Variants in CHRNB1 observed in about 807,000 individuals in gnomAD.
The protein encoded by CHRNB1 is cholinergic receptor nicotinic beta 1 subunit.
A neutral mutation model predicts 53.8 loss-of-function variants in CHRNB1; 47 were observed. That is an observed-to-expected ratio of 0.87 (90% CI 0.69 to 1.11). CHRNB1 has a LOEUF of 1.11. Among genes scored for constraint, CHRNB1 ranks in the 50% most tolerant of loss-of-function variants. The pLI is 0.00. For missense variants in CHRNB1, 605 were observed against 654.9 expected (o/e 0.92, Z 0.83); for synonymous variants, 259 against 263.5 (o/e 0.98, Z 0.16).
intron 10 of CHRNB1, among the ~76,000 whole-genome samples, 200 bp downstream of exon 10, chr17:7,456,141 G>A (rs867709288): frequency 3.8e-5 from 5 of 132,346 alleles, no homozygotes; most frequent in Non-Finnish European, 6.1e-5. Context: ...TGCAACCTCC[G>A]CCTACGGGTT....
intron 5 of CHRNB1, 127 bp downstream of exon 5, chr17:7,447,278 C>T (rs1323729178): frequency 9.5e-5 from 89 of 935,042 alleles, no homozygotes; most frequent in Non-Finnish European, 3.4e-5. Context: ...TGACCCTCAC[C>T]TCGTCTACCC....
chr17:7,447,080 G>A lies in CHRNB1; in HGVS notation c.391G>A (p.Val131Ile), dbSNP rs578069408. ...TTTTGACGTGGCTCTGGACATTAGC[G>A]TCGTGGTGTCCTCCGACGGCTCCGT... The part of the protein sequence containing the change: ...GNFDVALDIS[V>I]VVSSDGSVRW... The change falls in exon 5 of 11, where the codon GTC becomes ATC. Residue 131 changes from valine (V) to isoleucine (I), a missense_variant. Physicochemically the swap from Val to Ile is conservative, Grantham distance 29. Coordinates refer to ENST00000306071, the MANE Select transcript of CHRNB1 (RefSeq NM_000747.3). 4 of 1,614,176 alleles carry A rather than the reference G, an allele frequency of 2.5e-6. No homozygotes were observed. The highest frequency in any genetic ancestry group is 3.4e-6 in the Non-Finnish European group (4 of 1,180,004).
At chr17:7,453,490 T>G (rs1908959038) in intron 7 of CHRNB1, among the ~76,000 whole-genome samples, 1 of 151,786 alleles carries the variant, frequency 6.6e-6, no homozygotes, top group African/African-American at 2.4e-5. Context: ...AGTAGGCAGA[T>G]GGATATATAT....
intron 3 of CHRNB1, 125 bp from the exon 4 acceptor site, chr17:7,446,708 C>A: frequency 1.4e-6 from 1 of 733,774 alleles, no homozygotes; most frequent in East Asian, 2.7e-5. Context: ...ACCACGGCCC[C>A]TTGACCCACA....
chr17:7,446,770 T>G, intron 3 of CHRNB1, 63 bp from the exon 4 acceptor site: 2 of 1,351,828 alleles, frequency 1.5e-6, no homozygotes, highest in Non-Finnish European at 2.1e-6. Context: ...GGGCTTCCTT[T>G]GGAAATCCCA....
chr17:7,451,931 C>T (rs1908902787), intron 7 of CHRNB1, among the ~76,000 whole-genome samples: 1 of 152,178 alleles, frequency 6.6e-6, no homozygotes, highest in Non-Finnish European at 1.5e-5. Context: ...ACCAGGCTGT[C>T]CTAGAGGGCC....
chr17:7,450,024 A>T (rs1908825262), intron 7 of CHRNB1, among the ~76,000 whole-genome samples: 1 of 148,314 alleles, frequency 6.7e-6, no homozygotes, highest in South Asian at 2.2e-4. Flanking sequence ...AGCCTGGGAG[A>T]CAGACTCTGT....
In CHRNB1 at chr17:7,456,756, A is replaced by T. The variant is rs759202748; in HGVS notation, c.*33A>T. On this transcript the variant is annotated 3_prime_UTR_variant, in exon 11 of 11. Transcript: ENST00000306071. ...AGGGTTGAGACCCAGGCCCCCTGCC[A>T]GTTGAAGTGAGAGTTTGGTGATACT... 1 of 1,613,970 alleles carries T rather than the reference A, an allele frequency of 6.2e-7. No homozygotes were observed. The highest frequency in any genetic ancestry group is 8.5e-7 in the Non-Finnish European group (1 of 1,179,924).
At position 7,445,422 on chromosome 17, in the gene CHRNB1, G is replaced by C. The variant is rs757667532; in HGVS notation, c.198+13G>C. The C allele has an allele frequency of 3.1e-6, 5 of 1,609,464 alleles. No individual in the cohort carries two copies. The highest frequency in any genetic ancestry group is 1.7e-4 in the Middle Eastern group (1 of 6,048). On this transcript the variant is annotated intron_variant, in intron 2 of 10. Coordinates refer to ENST00000306071, the MANE Select transcript of CHRNB1 (RefSeq NM_000747.3). This position sits in a 1 kb window ranked among gnomAD's most constrained non-coding sequence, Gnocchi z 5.7. ...ACTCATCAGCCTGGTGAGGGCGCGC[G>C]GGGGGTGGAGGTCAGGCCAGCCGAC...
chr17:7,456,058 T>TC, intron 10 of CHRNB1, 117 bp downstream of exon 10: 1 of 428,114 alleles, frequency 2.3e-6, no homozygotes, highest in East Asian at 2.7e-5. Flanking sequence ...GCTTTTTTTT[T>TC]TTTTTTTTTT....
chr17:7,455,620 C>T lies in CHRNB1; in HGVS notation c.1217+164C>T, dbSNP rs2069941870. On this transcript the variant is annotated intron_variant, in intron 9 of 10. Coordinates refer to ENST00000306071, the MANE Select transcript of CHRNB1 (RefSeq NM_000747.3). ...CTTTGAGGGGAGGTGGGAACTAAAA[C>T]AGAGGCGGTGGAAGAAGTTGCACAA... is the stretch of plus-strand genomic sequence containing the variant. 1.1e-5 allele frequency: 13 copies of T among 1,207,676 alleles called. No homozygotes were observed. In the South Asian group the frequency reaches 1.6e-4, roughly 15 times the overall value. The allele number at this position is 1,207,676 out of a possible 1,614,324, so 74.8% of individuals were successfully genotyped here.
chr17:7,445,850 T>G lies in CHRNB1; in HGVS notation c.199-219T>G, dbSNP rs1251410007. 1.6e-6 allele frequency: 1 copy of G among 629,474 alleles called. No individual in the cohort carries two copies. Among genetic ancestry groups the G allele is most frequent in the African/African-American group, 1.8e-5 (1 of 54,548 alleles). 39.0% of individuals were successfully genotyped at this position (629,474 alleles called of 1,614,324 possible). On this transcript the variant is annotated intron_variant, in intron 2 of 10. Coordinates refer to ENST00000306071, the MANE Select transcript of CHRNB1 (RefSeq NM_000747.3). This position sits in a 1 kb window ranked among gnomAD's most constrained non-coding sequence, Gnocchi z 5.7. Reference sequence around the variant, plus strand: ...GCGGAGGGCTAGGCAGGGGCGGGTCTGGTAGGTTGATAGGCTGGGAGTGTA... The same window carrying G: ...GCGGAGGGCTAGGCAGGGGCGGGTCGGGTAGGTTGATAGGCTGGGAGTGTA...
At chr17:7,452,624 C>T (rs1233249474) in intron 7 of CHRNB1, among the ~76,000 whole-genome samples, 2 of 152,196 alleles carry the variant, frequency 1.3e-5, no homozygotes, top group East Asian at 3.8e-4. Flanking sequence ...GCCATGGAAA[C>T]ACCTGGGAGT....
In CHRNB1 at chr17:7,455,466, C is replaced by G. The variant is rs190598236; in HGVS notation, c.1217+10C>G. ...TCCCCAAACCCAATAGGTAGGACTA[C>G]GCCCGTTACCCACATAAGAGGGAGA... On this transcript the variant is annotated intron_variant, in intron 9 of 10. Coordinates refer to ENST00000306071, the MANE Select transcript of CHRNB1 (RefSeq NM_000747.3). 1.2e-4 allele frequency: 197 copies of G among 1,613,882 alleles called. No homozygotes were observed. The East Asian group carries it at 4.0e-3, about 33-fold the overall frequency.
intron 7 of CHRNB1, among the ~76,000 whole-genome samples, chr17:7,449,464 G>A (rs1908801047): frequency 7.1e-6 from 1 of 140,992 alleles, no homozygotes; most frequent in Non-Finnish European, 1.5e-5. Context: ...CTGGAGTGCA[G>A]TGGTGTGATC....
chr17:7,455,558 T>C, intron 9 of CHRNB1, 102 bp downstream of exon 9: 1 of 1,434,230 alleles, frequency 7.0e-7, no homozygotes, highest in Non-Finnish European at 9.8e-7. Flanking sequence ...GACGCTGTGG[T>C]TGAGCATCAT....
intron 7 of CHRNB1, among the ~76,000 whole-genome samples, chr17:7,449,789 A>G (rs1207570244): frequency 2.0e-5 from 3 of 151,732 alleles, no homozygotes; most frequent in South Asian, 2.1e-4. Flanking sequence ...TCACGCCTGT[A>G]ATCCCAGCAC....
chr17:7,445,193 T>C lies in CHRNB1; in HGVS notation c.58+8T>C. 1.2e-6 allele frequency: 2 copies of C among 1,610,698 alleles called. No homozygotes were observed. The highest frequency in any genetic ancestry group is 1.7e-6 in the Non-Finnish European group (2 of 1,179,492). On this transcript the variant is annotated splice_region_variant and intron_variant, in intron 1 of 10. Coordinates refer to ENST00000306071, the MANE Select transcript of CHRNB1 (RefSeq NM_000747.3). The surrounding 1 kb of genome is among the most constrained non-coding windows in gnomAD (Gnocchi z 5.7). ...GGGCGCCGCTCGCCCCAGGTAAGTG[T>C]AGGCCCCGAAGGGGCAGTGACGGGG...
intron 6 of CHRNB1, 46 bp downstream of exon 6, chr17:7,447,696 C>T: frequency 6.2e-7 from 1 of 1,609,734 alleles, no homozygotes; most frequent in Non-Finnish European, 8.5e-7. Context: ...TCATTTCCAG[C>T]TTCTAACAGA....
Sources: allele counts gnomAD v4.1 joint callset (sites outside exome capture counted in the v4.1 genomes callset), GRCh38; gene constraint gnomAD v4.1.1; non-coding constraint Gnocchi (gnomAD v3.1); transcripts MANE v1.5; gene names NCBI Gene and HGNC (gene_info 2026-07-23, HGNC 2026-07-21).